Variants in ANKRD36B observed in about 807,000 individuals in gnomAD.
ANKRD36B encodes ankyrin repeat domain-containing protein 36B.
ANKRD36B carries 37 observed loss-of-function variants against 135.7 expected under a neutral mutation model. The observed-to-expected ratio is 0.27, with a 90% confidence interval of 0.21 to 0.36. ANKRD36B has a LOEUF of 0.36. ANKRD36B is among the 10% of genes least tolerant of loss of function. ANKRD36B has a pLI of 1.00. For missense variants in ANKRD36B, 549 were observed against 1,037.1 expected, an observed-to-expected ratio of 0.53 and a Z score of 6.46; for synonymous variants, 179 against 348.1, an observed-to-expected ratio of 0.51 and a Z score of 5.41.
rs2078495821 is a variant in ANKRD36B at position 97,530,251 on chromosome 2, C to T, written c.2265+2060G>A. Among the ~76,000 whole-genome samples the T allele has an allele frequency of 2.1e-5, 2 of 95,498 alleles. 1 individual carries two copies. Among genetic ancestry groups the T allele is most frequent in the Non-Finnish European group, 5.5e-5 (2 of 36,100 alleles). The allele number at this position is 95,498 out of a possible 152,430, so 62.7% of individuals were successfully genotyped here. On this transcript the variant is annotated intron_variant, in intron 35 of 43. Coordinates refer to ENST00000359901, the MANE Select transcript of ANKRD36B (RefSeq NM_001393939.1). The stretch of plus-strand genomic sequence containing the variant: ...AACAGAGCCATCAGAAATAATGCCA[C>T]ATATCTACAACTATCTGATCTTTGA...
intron 10 of ANKRD36B, 89 bp from the exon 11 acceptor site, chr2:97,557,221 C>A: frequency 1.3e-6 from 2 of 1,496,550 alleles, no homozygotes; most frequent in South Asian, 2.6e-5. Context: ...CAAGCTGTAT[C>A]CTCCCGCCTG....
chr2:97,508,870 C>A (rs1484215819), intron 40 of ANKRD36B, among the ~76,000 whole-genome samples: 2 of 109,190 alleles, frequency 1.8e-5, no homozygotes, highest in East Asian at 4.2e-4. Flanking sequence ...CTTAACCAAC[C>A]CAAACATCTC....
At position 97,589,738 on chromosome 2, in the gene ANKRD36B, T is replaced by C. The variant is rs2083290108; in HGVS notation, c.-53A>G. On this transcript the variant is annotated 5_prime_UTR_variant, in exon 1 of 44. Transcript: ENST00000359901. ...GTCTTCCTTAATCGTCGGCTGCAAA[T>C]TGTAGCCTGCAGCCGTATTTCAGCT... 23 of 1,611,974 alleles carry C rather than the reference T, an allele frequency of 1.4e-5. No homozygotes were observed. Among genetic ancestry groups the C allele is most frequent in the Admixed American group, 3.4e-5 (2 of 59,694 alleles).
At position 97,545,888 on chromosome 2, in the gene ANKRD36B, A is replaced by G. The variant is rs1255307781; in HGVS notation, c.1580-27T>C. The G allele has an allele frequency of 2.2e-6, 2 of 921,318 alleles. 1 individual carries two copies. The highest frequency in any genetic ancestry group is 5.1e-5 in the East Asian group (2 of 39,230). 57.1% of individuals were successfully genotyped at this position (921,318 alleles called of 1,614,324 possible). ...TGAAAAGCAAAAGGGATACATAATC[A>G]CTCATACATAAATATGATAAAGTTA... On this transcript the variant is annotated intron_variant, in intron 22 of 43. Coordinates refer to ENST00000359901, the MANE Select transcript of ANKRD36B (RefSeq NM_001393939.1).
At chr2:97,568,787 T>C (rs1189097462) in intron 6 of ANKRD36B, among the ~76,000 whole-genome samples, 2 of 151,982 alleles carry the variant, frequency 1.3e-5, no homozygotes. Context: ...CACTACCTAG[T>C]GGGAAAAACA....
chr2:97,552,528 C>T (rs2080158585), intron 16 of ANKRD36B, among the ~76,000 whole-genome samples: 1 of 151,810 alleles, frequency 6.6e-6, no homozygotes. Context: ...GTGCTTTATC[C>T]CAATTCTAGC....
chr2:97,576,277 T>A, intron 6 of ANKRD36B, 102 bp downstream of exon 6: 1 of 269,228 alleles, frequency 3.7e-6, no homozygotes, highest in South Asian at 3.0e-5. Context: ...TGTGTACAAT[T>A]TAAAGTGATT....
chr2:97,584,574 T>A (rs2082844383), intron 3 of ANKRD36B, among the ~76,000 whole-genome samples: 1 of 151,288 alleles, frequency 6.6e-6, no homozygotes, highest in African/African-American at 2.4e-5. Flanking sequence ...ACATTTAAAA[T>A]AAAGCCTATT....
chr2:97,552,105 GT>G (rs993982852), intron 16 of ANKRD36B, among the ~76,000 whole-genome samples: 7 of 151,826 alleles, frequency 4.6e-5, no homozygotes, highest in African/African-American at 1.7e-4. Flanking sequence ...GTATCCACTA[GT>G]TTATCCCTCT....
chr2:97,556,921 T>G lies in ANKRD36B; in HGVS notation c.1069+16A>C, dbSNP rs746387383. The G allele has an allele frequency of 9.5e-6, 15 of 1,576,300 alleles. No homozygotes were observed. The highest frequency in any genetic ancestry group is 1.8e-5 in the Admixed American group (1 of 55,552). On this transcript the variant is annotated intron_variant, in intron 12 of 43. Coordinates refer to ENST00000359901, the MANE Select transcript of ANKRD36B (RefSeq NM_001393939.1). ...TCTTGAGTGCACATGACATTAAATGTGTATTGCCAAATTACCTGTTCCAGA... is the reference window on the plus strand; with the variant it reads ...TCTTGAGTGCACATGACATTAAATGGGTATTGCCAAATTACCTGTTCCAGA...
At chr2:97,574,418 G>C (rs1392137401) in intron 6 of ANKRD36B, among the ~76,000 whole-genome samples, 1 of 152,146 alleles carries the variant, frequency 6.6e-6, no homozygotes, top group Admixed American at 6.5e-5. Context: ...TGGAGAAATA[G>C]GAACACTTTT....
At chr2:97,553,512 C>T in intron 14 of ANKRD36B, 141 bp from the exon 15 acceptor site, 1 of 1,100,754 alleles carries the variant, frequency 9.1e-7, no homozygotes, top group Non-Finnish European at 1.3e-6. Context: ...TGTCTTAAGC[C>T]AGGAGCATGA....
chr2:97,578,750 T>C (rs13427163), intron 5 of ANKRD36B, among the ~76,000 whole-genome samples, 156 bp downstream of exon 5: 84,577 of 151,884 alleles, frequency 0.56, 25,175 homozygotes, highest in Non-Finnish European at 0.67. Context: ...GCTGATGAAG[T>C]TGCACAACTC....
At chr2:97,561,236 CAT>C (rs1485763491) in intron 6 of ANKRD36B, among the ~76,000 whole-genome samples, 1 of 151,928 alleles carries the variant, frequency 6.6e-6, no homozygotes. Flanking sequence ...CATGCACCCA[CAT>C]GTCTTTCATG....
intron 12 of ANKRD36B, among the ~76,000 whole-genome samples, chr2:97,556,530 C>T (rs2080538567): frequency 6.6e-6 from 1 of 151,812 alleles, no homozygotes; most frequent in African/African-American, 2.4e-5. Context: ...TTCTCATTCT[C>T]CAGTGTCTAC....
chr2:97,560,514 A>G (rs1345872506), intron 8 of ANKRD36B, 151 bp downstream of exon 8: 2 of 1,170,680 alleles, frequency 1.7e-6, no homozygotes, highest in Non-Finnish European at 1.2e-6. Context: ...GCAGTATCAG[A>G]GTCACCTGAG....
intron 4 of ANKRD36B, 88 bp from the exon 5 acceptor site, chr2:97,579,131 C>T: frequency 7.6e-7 from 1 of 1,323,750 alleles, no homozygotes; most frequent in Non-Finnish European, 1.0e-6. Flanking sequence ...GTTGCCTGTC[C>T]ATGTAGAATT....
In ANKRD36B at chr2:97,530,400, T is replaced by C. The variant is rs1273007753; in HGVS notation, c.2265+1911A>G. On this transcript the variant is annotated intron_variant, in intron 35 of 43. Coordinates refer to ENST00000359901, the MANE Select transcript of ANKRD36B (RefSeq NM_001393939.1). ...CCTTCCTTACACCTTATACAAAAATTAATTCAAGATGGATTAAAGGCTTAA... is the reference window on the plus strand; with the variant it reads ...CCTTCCTTACACCTTATACAAAAATCAATTCAAGATGGATTAAAGGCTTAA... 3.6e-4 allele frequency among the ~76,000 whole-genome samples: 34 copies of C among 93,860 alleles called. 10 individuals are homozygous for C. The highest frequency in any genetic ancestry group is 1.1e-3 in the African/African-American group (34 of 30,880). 61.6% of individuals were successfully genotyped at this position (93,860 alleles called of 152,430 possible). A position where few individuals can be genotyped will look rare whatever the true frequency, so the allele number is the denominator to read the frequency against.
chr2:97,553,062 G>C lies in ANKRD36B; in HGVS notation c.1273+106C>G, dbSNP rs1474206384. On this transcript the variant is annotated intron_variant, in intron 16 of 43. Coordinates refer to ENST00000359901, the MANE Select transcript of ANKRD36B (RefSeq NM_001393939.1). ...TCTCAGACCTGCTGGATCAGAATGT[G>C]CAGCTTCAGCGAGCCCCCCACCCGC... The C allele has an allele frequency of 3.7e-5, 50 of 1,341,788 alleles. No homozygotes were observed. The Middle Eastern group carries it at 7.6e-4, about 20-fold the overall frequency. 83.1% of individuals were successfully genotyped at this position (1,341,788 alleles called of 1,614,324 possible).
Sources: gnomAD v4.1 joint callset for allele counts (sites outside exome capture counted in the v4.1 genomes callset) on GRCh38, gnomAD v4.1.1 for gene constraint, MANE v1.5 for transcripts, NCBI Gene and HGNC (gene_info 2026-07-23, HGNC 2026-07-21) for gene names.